The following SLC3A1 variants were observed in gnomAD, a reference collection of about 807,000 sequenced individuals.
The protein encoded by SLC3A1 is amino acid transporter heavy chain SLC3A1.
Under a neutral mutation model 60.3 loss-of-function variants are expected in SLC3A1, and 78 were observed. The ratio of observed to expected loss-of-function variants is 1.29; its 90% CI spans 1.08 to 1.56. The LOEUF is 1.56. SLC3A1 is among the 40% of genes most tolerant of loss of function. SLC3A1 has a pLI of 0.00. For missense variants in SLC3A1, 1,172 were observed against 858.9 expected, an observed-to-expected ratio of 1.36 and a Z score of -4.56; for synonymous variants, 392 against 307.9, an observed-to-expected ratio of 1.27 and a Z score of -2.86.
chr2:44,284,326 C>T (rs551267873), intron 3 of SLC3A1, among the ~76,000 whole-genome samples: 41 of 152,294 alleles, frequency 2.7e-4, no homozygotes, highest in Non-Finnish European at 5.1e-4. Context: ...GATCTGCCCA[C>T]GTCGGCTTCC....
intron 4 of SLC3A1, among the ~76,000 whole-genome samples, chr2:44,287,568 T>C (rs1301112924): frequency 2.6e-5 from 4 of 152,220 alleles, no homozygotes; most frequent in African/African-American, 9.6e-5. Context: ...AATTGAAATG[T>C]AATTGAGTGT....
intron 1 of SLC3A1, among the ~76,000 whole-genome samples, chr2:44,280,368 A>G (rs745987527): frequency 4.6e-5 from 7 of 152,034 alleles, no homozygotes; most frequent in Non-Finnish European, 1.0e-4. Flanking sequence ...CCTCCCAGGT[A>G]GCTGGGATCA....
At chr2:44,312,914 C>G in intron 8 of SLC3A1, 161 bp downstream of exon 8, 1 of 633,922 alleles carries the variant, frequency 1.6e-6, no homozygotes. Context: ...TCTCAGCTTT[C>G]TTGGTGGTCT....
intron 1 of SLC3A1, among the ~76,000 whole-genome samples, chr2:44,279,201 T>C (rs1671417229): frequency 2.0e-5 from 3 of 152,158 alleles, no homozygotes; most frequent in Non-Finnish European, 2.9e-5. Flanking sequence ...GGTTTCACCA[T>C]GTTGGCCAGG....
At chr2:44,281,017 C>G in intron 2 of SLC3A1, 122 bp downstream of exon 2, 2 of 792,330 alleles carry the variant, frequency 2.5e-6, no homozygotes, top group Non-Finnish European at 4.2e-6. Flanking sequence ...CTCCCTCCCT[C>G]CCTTCCTTCT....
chr2:44,280,569 C>T, intron 1 of SLC3A1, 147 bp from the exon 2 acceptor site: 1 of 654,048 alleles, frequency 1.5e-6, no homozygotes. Context: ...GCTAGATCTT[C>T]CTATTTGAAT....
chr2:44,322,143 T>C (rs189023409), downstream of SLC3A1, among the ~76,000 whole-genome samples: 7 of 151,996 alleles, frequency 4.6e-5, no homozygotes, highest in African/African-American at 1.5e-4. Context: ...ACGGACAAGG[T>C]TGAAACCCAG....
chr2:44,317,283 T>TAAGA (rs1406041474), intron 9 of SLC3A1, among the ~76,000 whole-genome samples: 1 of 152,000 alleles, frequency 6.6e-6, no homozygotes, highest in Non-Finnish European at 1.5e-5. Flanking sequence ...GGCAACATAG[T>TAAGA]AAGACCCTAT....
intron 3 of SLC3A1, 64 bp from the exon 4 acceptor site, chr2:44,285,968 A>C: frequency 6.3e-7 from 1 of 1,590,766 alleles, no homozygotes; most frequent in South Asian, 1.1e-5. Flanking sequence ...AGGGAGGGCA[A>C]TGATCTTTAT....
At chr2:44,281,159 CTT>C (rs552579658) in intron 2 of SLC3A1, among the ~76,000 whole-genome samples, 2 of 112,578 alleles carry the variant, frequency 1.8e-5, no homozygotes, top group Non-Finnish European at 1.7e-5. Context: ...CCTTTCCCTG[CTT>C]TTTTTTTTTT....
intron 8 of SLC3A1, 143 bp downstream of exon 8, chr2:44,312,896 G>T (rs1300047331): frequency 1.4e-6 from 1 of 691,952 alleles, no homozygotes; most frequent in African/African-American, 1.8e-5. Flanking sequence ...CTTACTGTTA[G>T]TAAGAATTCT....
intron 7 of SLC3A1, among the ~76,000 whole-genome samples, chr2:44,309,377 A>G (rs1343080234): frequency 6.6e-6 from 1 of 152,174 alleles, no homozygotes; most frequent in Non-Finnish European, 1.5e-5. Context: ...CATACATACA[A>G]TAGCATGTAT....
intron 7 of SLC3A1, among the ~76,000 whole-genome samples, chr2:44,304,976 C>T (rs905176762): frequency 6.6e-6 from 1 of 151,918 alleles, no homozygotes; most frequent in Non-Finnish European, 1.5e-5. Context: ...TGCATGCCAC[C>T]ATGGCTGGCT....
At chr2:44,319,240 A>C (rs1368260886) in intron 9 of SLC3A1, 1 of 152,630 alleles carries the variant, frequency 6.6e-6, no homozygotes, top group African/African-American at 2.4e-5. Context: ...CCCAGTAAAC[A>C]TGGCTGGCAA....
intron 4 of SLC3A1, among the ~76,000 whole-genome samples, chr2:44,298,032 T>C (rs184200332): frequency 6.0e-4 from 92 of 152,360 alleles, no homozygotes; most frequent in Non-Finnish European, 4.9e-4. Flanking sequence ...AATGCTGCTA[T>C]GAATATTTGT....
At position 44,286,157 on chromosome 2, in the gene SLC3A1, AG is replaced by A. The variant is rs768448832; in HGVS notation, c.891+1del. ...ATCCTGATGTTCAAGAAGAAATAAA[AG>A]TGAGTATAGATACCCACACAGACTT... On this transcript the variant is annotated splice_donor_variant, in intron 4 of 9. Transcript: ENST00000260649. LOFTEE classifies it high-confidence loss of function. 2 of 1,613,932 alleles carry A rather than the reference AG, an allele frequency of 1.2e-6. No individual in the cohort carries two copies. The highest frequency in any genetic ancestry group is 3.3e-5 in the Admixed American group (2 of 60,032).
rs1368978730 is a variant in SLC3A1, at chr2:44,320,610, G to T, written c.2029G>T (p.Val677Leu). ...TTCCAATCGAGCATGCTATTCCAGT[G>T]TACTGAACATACTGTATACCTCGTG... is the stretch of plus-strand genomic sequence containing the variant. ...FVSNRACYSSVLNILYTSC is the reference protein window; with the variant it reads ...FVSNRACYSSLLNILYTSC Residue 677 changes from valine (V) to leucine (L), a missense_variant, in exon 10 of 10, where the codon GTA becomes TTA. By Grantham distance (32) the Val-to-Leu change is conservative. Transcript: ENST00000260649. 2 of 1,613,908 alleles carry T rather than the reference G, an allele frequency of 1.2e-6. No individual in the cohort carries two copies. Among genetic ancestry groups the T allele is most frequent in the South Asian group, 2.2e-5 (2 of 91,072 alleles).
At position 44,281,423 on chromosome 2, in the gene SLC3A1, C is replaced by A. The variant is rs369641941; in HGVS notation, c.647C>A (p.Thr216Lys). 1.2e-6 allele frequency: 2 copies of A among 1,612,944 alleles called. No individual in the cohort carries two copies. The highest frequency in any genetic ancestry group is 8.5e-7 in the Non-Finnish European group (1 of 1,178,962). The stretch of plus-strand genomic sequence containing the variant: ...ATCATCGATTTCATACCAAACCACA[C>A]GAGTGATAAACATATTTGGTTTCAA... ...KLIIDFIPNHTSDKHIWFQLS... is the reference protein window; with the variant it reads ...KLIIDFIPNHKSDKHIWFQLS... The change falls in exon 3 of 10, where the codon ACG becomes AAG. Residue 216 changes from threonine to lysine, a missense_variant. Coordinates refer to ENST00000260649, the MANE Select transcript of SLC3A1 (RefSeq NM_000341.4).
chr2:44,311,896 G>A (rs975173075), intron 7 of SLC3A1, among the ~76,000 whole-genome samples: 1 of 152,096 alleles, frequency 6.6e-6, no homozygotes, highest in Non-Finnish European at 1.5e-5. Context: ...TAGCACTGTT[G>A]TGTGAAGGAG....
Sources: gnomAD v4.1 joint callset for allele counts (sites outside exome capture counted in the v4.1 genomes callset) on GRCh38, gnomAD v4.1.1 for gene constraint, MANE v1.5 for transcripts, NCBI Gene and HGNC (gene_info 2026-07-23, HGNC 2026-07-21) for gene names.